RIPOR2: variants seen among roughly 807,000 people sequenced by gnomAD.
RIPOR2 encodes the protein rho family-interacting cell polarization regulator 2.
In RIPOR2, 39 loss-of-function variants were observed where a neutral mutation model predicts 114.5. That is an observed-to-expected ratio of 0.34 (90% confidence interval 0.26 to 0.44). The LOEUF (loss-of-function observed/expected upper bound fraction) is 0.44. Among genes scored for constraint, RIPOR2 ranks in the 20% least tolerant of loss-of-function variants. The probability of loss-of-function intolerance (pLI) is 1.00; values close to 1 mark genes in which losing one functional copy is unlikely to be tolerated. For missense variants in RIPOR2, 1,007 were observed against 1,255.1 expected, an observed-to-expected ratio of 0.80 and a Z score of 2.99; for synonymous variants, 445 against 484.4, an observed-to-expected ratio of 0.92 and a Z score of 1.07.
chr6:24,818,609 C>G lies in RIPOR2; in HGVS notation c.2885G>C (p.Cys962Ser), dbSNP rs1347689360. 1 of 1,550,414 alleles carries G rather than the reference C, an allele frequency of 6.4e-7. No individual in the cohort carries two copies. The highest frequency in any genetic ancestry group is 8.7e-7 in the Non-Finnish European group (1 of 1,146,130). ...HFREKALLYY[C>S]EALTKTNLQL... The stretch of plus-strand genomic sequence containing the variant: ...GAGGTTTGTCTTTGTTAGTGCTTCA[C>G]AGTAATAGAGCAAGGCCTGAAAGAG... Residue 962 changes from cysteine (C) to serine (S), a missense_variant, in exon 20 of 22, where the codon TGT becomes TCT. Coordinates refer to ENST00000643898, the MANE Select transcript of RIPOR2 (RefSeq NM_001286445.3).
chr6:25,019,540 C>T (rs901914958), intron 1 of RIPOR2, among the ~76,000 whole-genome samples: 3 of 151,522 alleles, frequency 2.0e-5, no homozygotes, highest in Non-Finnish European at 4.4e-5. Context: ...GAGGCTGAGG[C>T]GGGTGGATCA....
intron 1 of RIPOR2, chr6:25,015,286 T>C (rs924285390): frequency 1.5e-4 from 23 of 152,382 alleles, no homozygotes; most frequent in Non-Finnish European, 2.4e-4. Flanking sequence ...CAAAGTCTGA[T>C]AAGCATCGTG....
intron 1 of RIPOR2, chr6:25,024,484 T>A: frequency 1.2e-6 from 1 of 841,398 alleles, no homozygotes; most frequent in South Asian, 1.3e-5. Context: ...TTGCTGGACA[T>A]AGTGTCTGGG....
At chr6:24,955,698 CAA>C (rs34104173) in intron 1 of RIPOR2, among the ~76,000 whole-genome samples, 2,024 of 134,862 alleles carry the variant, frequency 0.015, 35 homozygotes, top group African/African-American at 0.036. Flanking sequence ...GCTGCTCCTT[CAA>C]AAAAAAAAAA....
chr6:24,915,025 T>C (rs1039165880), intron 1 of RIPOR2, among the ~76,000 whole-genome samples: 2 of 152,232 alleles, frequency 1.3e-5, no homozygotes, highest in Non-Finnish European at 2.9e-5. Context: ...GTGTCTATTG[T>C]TCTGGTGAAT....
At chr6:24,864,545 T>C (rs1764391796) in intron 7 of RIPOR2, among the ~76,000 whole-genome samples, 3 of 152,312 alleles carry the variant, frequency 2.0e-5, no homozygotes, top group Non-Finnish European at 2.9e-5. Flanking sequence ...CTCTACAGGC[T>C]GATGACTTCA....
chr6:24,988,838 C>A (rs1561829257), intron 1 of RIPOR2, among the ~76,000 whole-genome samples: 1 of 152,220 alleles, frequency 6.6e-6, no homozygotes, highest in Non-Finnish European at 1.5e-5. Context: ...TACATATTAT[C>A]TATGGCTGCT....
chr6:24,827,313 C>T (rs1322422126), intron 18 of RIPOR2, among the ~76,000 whole-genome samples: 1 of 152,182 alleles, frequency 6.6e-6, no homozygotes, highest in Non-Finnish European at 1.5e-5. Context: ...TCTTCCTTCA[C>T]TATGATGCCA....
At position 24,924,048 on chromosome 6, in the gene RIPOR2, T is replaced by C. The variant is rs991385893; in HGVS notation, c.61+11790A>G. The stretch of plus-strand genomic sequence containing the variant: ...CTGTTTTGAAAAGGCTTTCTTGTTC[T>C]TGAATTAACATGCAGGCTGAGCAGA... On this transcript the variant is annotated intron_variant, in intron 1 of 21. Transcript: ENST00000643898. Among the ~76,000 whole-genome samples the C allele has an allele frequency of 5.5e-4, 83 of 152,134 alleles. 1 individual carries two copies. Among genetic ancestry groups the C allele is most frequent in the Admixed American group, 5.3e-3 (81 of 15,270 alleles).
chr6:24,909,009 T>TG (rs1328601884), intron 1 of RIPOR2, among the ~76,000 whole-genome samples: 3 of 152,300 alleles, frequency 2.0e-5, no homozygotes, highest in East Asian at 1.9e-4. Context: ...CAACAGCAAT[T>TG]GGGGGGTCCT....
At chr6:24,809,121 A>G (rs1163554158) in intron 21 of RIPOR2, among the ~76,000 whole-genome samples, 1 of 152,234 alleles carries the variant, frequency 6.6e-6, no homozygotes, top group Non-Finnish European at 1.5e-5. Flanking sequence ...TCCCCAAAAA[A>G]GAATAAATGT....
At chr6:24,953,812 C>T (rs922259683) in intron 1 of RIPOR2, among the ~76,000 whole-genome samples, 1 of 152,248 alleles carries the variant, frequency 6.6e-6, no homozygotes, top group African/African-American at 2.4e-5. Flanking sequence ...ATCTGCATGA[C>T]TGTCTCCTCG....
intron 1 of RIPOR2, among the ~76,000 whole-genome samples, chr6:25,033,842 A>AT (rs533714910): frequency 5.1e-4 from 77 of 152,166 alleles, no homozygotes; most frequent in African/African-American, 1.4e-3. Flanking sequence ...AGAGTTTAAG[A>AT]TTTTTTTATT....
At position 24,825,209 on chromosome 6, in the gene RIPOR2, A is replaced by G; in HGVS notation, c.2868+17T>C. The stretch of plus-strand genomic sequence containing the variant: ...TAAACCAGCTTCTGGCTTGATGGCC[A>G]TGGTTTAGTGTCTTACCTTTTCCCT... On this transcript the variant is annotated intron_variant, in intron 19 of 21. Coordinates refer to ENST00000643898, the MANE Select transcript of RIPOR2 (RefSeq NM_001286445.3). 1 of 1,536,742 alleles carries G rather than the reference A, an allele frequency of 6.5e-7. No homozygotes were observed. The highest frequency in any genetic ancestry group is 8.8e-7 in the Non-Finnish European group (1 of 1,136,030).
intron 1 of RIPOR2, among the ~76,000 whole-genome samples, chr6:24,995,218 G>A (rs1774995003): frequency 1.3e-5 from 2 of 152,178 alleles, no homozygotes; most frequent in African/African-American, 2.4e-5. Context: ...CCTCTAAAGG[G>A]GTCCTCAGCC....
rs1046058682 is a variant in RIPOR2 at position 24,976,535 on chromosome 6, G to A, written c.76+65316C>T. ...AGTGACTGCTCATCTAATCCATAAAGCTATGTTAACAGATTGGAGCTGTTT... is the reference window on the plus strand; with the variant it reads ...AGTGACTGCTCATCTAATCCATAAAACTATGTTAACAGATTGGAGCTGTTT... On this transcript the variant is annotated intron_variant, in intron 1 of 13. Transcript: ENST00000510784. 1.9e-6 allele frequency: 3 copies of A among 1,591,832 alleles called. No individual in the cohort carries two copies. In the South Asian group the frequency reaches 3.3e-5, roughly 18 times the overall value.
Position 24,968,620 on chromosome 6 carries a change from G to A in RIPOR2, c.76+73231C>T, listed in dbSNP as rs529312497. Among the ~76,000 whole-genome samples the A allele has an allele frequency of 2.0e-5, 3 of 152,302 alleles. No individual in the cohort carries two copies. In the South Asian group the frequency reaches 6.2e-4, roughly 32 times the overall value. On this transcript the variant is annotated intron_variant, in intron 1 of 13. Coordinates refer to the RIPOR2 transcript ENST00000510784. ...GAGAGGTTGCCACTGGCATCTAATA[G>A]GTAGAGGCCAAGGATGCTGCTAAAC...
chr6:24,806,505 T>C, intron 21 of RIPOR2, 32 bp from the exon 22 acceptor site: 1 of 1,429,098 alleles, frequency 7.0e-7, no homozygotes, highest in Non-Finnish European at 9.5e-7. Flanking sequence ...TGAATACCAA[T>C]TCAAACAACG....
chr6:24,876,930 A>G, intron 1 of RIPOR2: 1 of 975,892 alleles, frequency 1.0e-6, no homozygotes, highest in Non-Finnish European at 1.2e-6. Context: ...CTTTTAGATC[A>G]GGAGGAGTCA....
Sources: allele counts gnomAD v4.1 joint callset (sites outside exome capture counted in the v4.1 genomes callset), GRCh38; gene constraint gnomAD v4.1.1; transcripts MANE v1.5; gene names NCBI Gene and HGNC (gene_info 2026-07-23, HGNC 2026-07-21).